The following TRIM67 variants were observed in gnomAD, a reference collection of about 807,000 sequenced individuals.
The protein encoded by TRIM67 is tripartite motif containing 67, also known as tripartite motif-containing protein 67.
In TRIM67, 39 loss-of-function variants were observed where a neutral mutation model predicts 71.0. The ratio of observed to expected loss-of-function variants is 0.55; its 90% CI spans 0.43 to 0.72. The LOEUF is 0.72. TRIM67 is among the 30% of genes least tolerant of loss of function. TRIM67 has a pLI of 0.00. For missense variants in TRIM67, 973 were observed against 1,079.2 expected (o/e 0.90, Z 1.38); for synonymous variants, 481 against 473.9 (o/e 1.01, Z -0.19).
At chr1:231,213,779 G>A (rs182208102) in intron 8 of TRIM67, 36 bp from the exon 9 acceptor site, 1 of 1,541,356 alleles carries the variant, frequency 6.5e-7, no homozygotes. Flanking sequence ...CCCAGGCTGG[G>A]TGTGGTGATG....
intron 1 of TRIM67, among the ~76,000 whole-genome samples, chr1:231,176,912 A>AAAAAAAAAAAAC (rs1682765894): frequency 6.7e-6 from 1 of 150,050 alleles, no homozygotes; most frequent in African/African-American, 2.5e-5. Flanking sequence ...CTGGCAAAAA[A>AAAAAAAAAAAAC]AAAAAAAAAA....
chr1:231,210,879 A>G (rs1571903989), intron 8 of TRIM67, among the ~76,000 whole-genome samples: 2 of 151,426 alleles, frequency 1.3e-5, no homozygotes, highest in East Asian at 3.9e-4. Flanking sequence ...GTCTCTGTAA[A>G]TAATAGTAAT....
At chr1:231,193,511 T>C (rs1252083635) in intron 1 of TRIM67, among the ~76,000 whole-genome samples, 1 of 131,904 alleles carries the variant, frequency 7.6e-6, no homozygotes, top group Non-Finnish European at 1.5e-5. Context: ...AAGCTCTCTC[T>C]CTCTCTCTCT....
At chr1:231,186,129 T>C in intron 1 of TRIM67, 1 of 1,533,158 alleles carries the variant, frequency 6.5e-7, no homozygotes, top group Non-Finnish European at 8.7e-7. Context: ...CATCGGTGAA[T>C]GGATGAAGGG....
intron 1 of TRIM67, among the ~76,000 whole-genome samples, chr1:231,169,762 T>A (rs1366570402): frequency 1.3e-5 from 2 of 152,084 alleles, no homozygotes; most frequent in Non-Finnish European, 2.9e-5. Context: ...TTCTCTCCTA[T>A]CTGCCCCAGA....
Position 231,219,572 on chromosome 1 carries a change from A to G in TRIM67, c.*4132A>G, listed in dbSNP as rs1274687332. 2.7e-6 allele frequency: 3 copies of G among 1,101,518 alleles called. No homozygotes were observed. Among genetic ancestry groups the G allele is most frequent in the East Asian group, 1.6e-4 (2 of 12,664 alleles). The allele number at this position is 1,101,518 out of a possible 1,614,324, so 68.2% of individuals were successfully genotyped here. A position where few individuals can be genotyped will look rare whatever the true frequency, so the allele number is the denominator to read the frequency against. ...CCAACCTGTTGGGTCTTGAATTTTC[A>G]CTCACTGAAGATGCCCCCTGCCCGC... On this transcript the variant is annotated 3_prime_UTR_variant, in exon 10 of 10. Transcript: ENST00000366653.
At chr1:231,190,515 C>G (rs190115083) in intron 1 of TRIM67, among the ~76,000 whole-genome samples, 255 of 152,270 alleles carry the variant, frequency 1.7e-3, no homozygotes, top group Non-Finnish European at 2.5e-3. Flanking sequence ...TACCAATGAC[C>G]CCTTCTGTTT....
chr1:231,206,494 G>T (rs1467664727), intron 6 of TRIM67, among the ~76,000 whole-genome samples, 158 bp from the exon 7 acceptor site: 1 of 152,138 alleles, frequency 6.6e-6, no homozygotes, highest in African/African-American at 2.4e-5. Flanking sequence ...ATGTTGTCCA[G>T]GCTGGACTCA....
chr1:231,171,896 A>C (rs1430666918), intron 1 of TRIM67, among the ~76,000 whole-genome samples: 1 of 152,110 alleles, frequency 6.6e-6, no homozygotes, highest in Non-Finnish European at 1.5e-5. Flanking sequence ...AGAGTTTGAG[A>C]CTAGGCTAGC....
rs936228353 is a variant in TRIM67 at position 231,162,147 on chromosome 1, T to A, written c.-823T>A. 2 of 152,014 alleles carry A rather than the reference T, an allele frequency of 1.3e-5. No individual in the cohort carries two copies. Among genetic ancestry groups the A allele is most frequent in the Admixed American group, 6.5e-5 (1 of 15,278 alleles). The allele number at this position is 152,014 out of a possible 1,614,324, so 9.4% of individuals were successfully genotyped here. ...TCCCGAGCCAGCCGGACGCTCGCCC[T>A]CCGCCCGCCGGCTGCAGCGTCGCGC... On this transcript the variant is annotated 5_prime_UTR_variant, in exon 1 of 10. Transcript: ENST00000366653.
chr1:231,182,453 A>G (rs578224872), intron 1 of TRIM67, among the ~76,000 whole-genome samples: 3 of 152,306 alleles, frequency 2.0e-5, no homozygotes, highest in African/African-American at 7.2e-5. Context: ...ACAGAAAGAG[A>G]TCCACATCTC....
rs1161502621 is a variant in TRIM67, at chr1:231,215,585, A to G, written c.*145A>G. On this transcript the variant is annotated 3_prime_UTR_variant, in exon 10 of 10. Coordinates refer to ENST00000366653, the MANE Select transcript of TRIM67 (RefSeq NM_001004342.5). ...GCAGCGTGGAGTGTCATAGAAACAC[A>G]TTTTCTTGGGGACGCAGGGAATGGG... 6 of 1,403,874 alleles carry G rather than the reference A, an allele frequency of 4.3e-6. No individual in the cohort carries two copies. Among genetic ancestry groups the G allele is most frequent in the East Asian group, 2.6e-5 (1 of 37,854 alleles). The allele number at this position is 1,403,874 out of a possible 1,614,324, so 87.0% of individuals were successfully genotyped here.
rs1162391267 is a variant in TRIM67 at position 231,164,032 on chromosome 1, G to A, written c.1044+19G>A. On this transcript the variant is annotated intron_variant, in intron 1 of 9. Transcript: ENST00000366653. Reference sequence around the variant, plus strand: ...GCACAAGGTGAGCCCGCGGGACGCGGGAGTGCAGGTGCCAGGGAAGAGGGT... The same window carrying A: ...GCACAAGGTGAGCCCGCGGGACGCGAGAGTGCAGGTGCCAGGGAAGAGGGT... 2.0e-6 allele frequency: 3 copies of A among 1,481,188 alleles called. No homozygotes were observed. In the African/African-American group the frequency reaches 4.2e-5, roughly 21 times the overall value. The allele number at this position is 1,481,188 out of a possible 1,614,324, so 91.8% of individuals were successfully genotyped here. A position where few individuals can be genotyped will look rare whatever the true frequency, so the allele number is the denominator to read the frequency against.
At chr1:231,213,629 G>T (rs1301406788) in intron 8 of TRIM67, among the ~76,000 whole-genome samples, 186 bp from the exon 9 acceptor site, 1 of 152,170 alleles carries the variant, frequency 6.6e-6, no homozygotes, top group Non-Finnish European at 1.5e-5. Flanking sequence ...TACTCGGGAG[G>T]CTGAGGTGGG....
rs1684060569 is a variant in TRIM67, at chr1:231,218,173, G to T, written c.*2733G>T. On this transcript the variant is annotated 3_prime_UTR_variant, in exon 10 of 10. Transcript: ENST00000366653. ...GAACTTATCAATTCCTCATGGCCAG[G>T]AAGGTCCCGGGTTTCAGAGTAGAAA... The T allele has an allele frequency of 1.9e-6, 2 of 1,028,458 alleles. No individual in the cohort carries two copies. The highest frequency in any genetic ancestry group is 7.5e-5 in the South Asian group (2 of 26,526). 63.7% of individuals were successfully genotyped at this position (1,028,458 alleles called of 1,614,324 possible).
At chr1:231,166,885 A>G (rs1205207868) in intron 1 of TRIM67, among the ~76,000 whole-genome samples, 2 of 152,220 alleles carry the variant, frequency 1.3e-5, no homozygotes, top group African/African-American at 4.8e-5. Context: ...AAGATGGGAT[A>G]GGGAAGGGTA....
intron 1 of TRIM67, among the ~76,000 whole-genome samples, chr1:231,197,058 T>G (rs1322959128): frequency 6.6e-6 from 1 of 152,230 alleles, no homozygotes; most frequent in Non-Finnish European, 1.5e-5. Flanking sequence ...AAGGACTCTA[T>G]TTATCTTCTT....
At position 231,221,331 on chromosome 1, in the gene TRIM67, T is replaced by C. The variant is rs1159455400; in HGVS notation, c.*5891T>C. On this transcript the variant is annotated 3_prime_UTR_variant, in exon 10 of 10. Transcript: ENST00000366653. ...TGGTGGCAGCTCTTGGTCCTATTGC[T>C]GTGGATGTTCCACTGAAAACACGGG... is the stretch of plus-strand genomic sequence containing the variant. The C allele has an allele frequency of 6.6e-6, 1 of 152,646 alleles. No individual in the cohort carries two copies. The highest frequency in any genetic ancestry group is 1.5e-5 in the Non-Finnish European group (1 of 68,058). 9.5% of individuals were successfully genotyped at this position (152,646 alleles called of 1,614,324 possible).
chr1:231,203,734 C>A, intron 5 of TRIM67, 133 bp from the exon 6 acceptor site: 1 of 1,193,250 alleles, frequency 8.4e-7, no homozygotes, highest in Non-Finnish European at 1.2e-6. Flanking sequence ...GGAGTGACTA[C>A]AGGGTGGCCA....
Sources: gnomAD v4.1 joint callset for allele counts (sites outside exome capture counted in the v4.1 genomes callset) on GRCh38, gnomAD v4.1.1 for gene constraint, MANE v1.5 for transcripts, NCBI Gene and HGNC (gene_info 2026-07-23, HGNC 2026-07-21) for gene names.